ERO1A: variants seen among roughly 807,000 people sequenced by gnomAD.
ERO1A encodes the protein ERO1-like protein alpha.
A neutral mutation model predicts 76.9 loss-of-function variants in ERO1A; 49 were observed. The observed-to-expected ratio is 0.64, with a 90% CI of 0.51 to 0.81. The LOEUF is 0.81. ERO1A is among the 30% of genes least tolerant of loss of function. ERO1A has a pLI of 0.00. For missense variants in ERO1A, 448 were observed against 542.1 expected (o/e 0.83, Z 1.72); for synonymous variants, 174 against 181.2 (o/e 0.96, Z 0.32).
intron 3 of ERO1A, among the ~76,000 whole-genome samples, chr14:52,679,716 G>A (rs889290418): frequency 4.0e-5 from 6 of 151,610 alleles, no homozygotes; most frequent in African/African-American, 1.5e-4. Flanking sequence ...ATCTTTTAAA[G>A]AAAAAAGCTT....
chr14:52,640,133 T>G lies in ERO1A; in HGVS notation c.*3437A>C, dbSNP rs2039423687. 6.6e-6 allele frequency: 1 copy of G among 152,234 alleles called. No individual in the cohort carries two copies. Among genetic ancestry groups the G allele is most frequent in the African/African-American group, 2.4e-5 (1 of 41,466 alleles). 9.4% of individuals were successfully genotyped at this position (152,234 alleles called of 1,614,324 possible). The stretch of plus-strand genomic sequence containing the variant: ...ATGGAGATGCAAAAAATAAAAAGGT[T>G]CCTTTTCCTGCCCTTAAGGAGCTCA... On this transcript the variant is annotated 3_prime_UTR_variant, in exon 16 of 16. Transcript: ENST00000395686.
rs1297145314 is a variant in ERO1A, at chr14:52,643,560, CTTG to C, written c.*7_*9del. The C allele has an allele frequency of 6.8e-7, 1 of 1,472,498 alleles. No individual in the cohort carries two copies. Among genetic ancestry groups the C allele is most frequent in the Non-Finnish European group, 9.0e-7 (1 of 1,112,996 alleles). 91.2% of individuals were successfully genotyped at this position (1,472,498 alleles called of 1,614,324 possible). A position where few individuals can be genotyped will look rare whatever the true frequency, so the allele number is the denominator to read the frequency against. On this transcript the variant is annotated 3_prime_UTR_variant, in exon 16 of 16. Transcript: ENST00000395686. ...TTGTCCAGAAACAGGCACATATCAG[CTTG>C]TTTTCTTTAATGAATATTCTGTAAC...
intron 8 of ERO1A, among the ~76,000 whole-genome samples, chr14:52,661,877 C>T (rs529973962): frequency 4.7e-5 from 7 of 150,004 alleles, no homozygotes; most frequent in South Asian, 2.1e-4. Context: ...TTAATGCCAT[C>T]GGTTTATTAA....
intron 1 of ERO1A, among the ~76,000 whole-genome samples, chr14:52,685,565 T>C (rs1247531691): frequency 6.6e-6 from 1 of 152,144 alleles, no homozygotes; most frequent in Non-Finnish European, 1.5e-5. Context: ...ATGACAGACA[T>C]AGAGACTGCA....
chr14:52,645,208 G>A (rs1269330253), intron 15 of ERO1A, among the ~76,000 whole-genome samples: 17 of 151,152 alleles, frequency 1.1e-4, no homozygotes, highest in Admixed American at 1.1e-3. Flanking sequence ...TAAAAAAACT[G>A]CTTTTAAGCA....
chr14:52,673,341 T>C (rs1239712904), intron 4 of ERO1A, among the ~76,000 whole-genome samples: 8 of 152,220 alleles, frequency 5.3e-5, no homozygotes, highest in Non-Finnish European at 1.0e-4. Context: ...CTGTCTGCCT[T>C]GGCCTCCAAA....
At chr14:52,681,182 G>C (rs1379422163) in intron 3 of ERO1A, among the ~76,000 whole-genome samples, 1 of 152,134 alleles carries the variant, frequency 6.6e-6, no homozygotes, top group Non-Finnish European at 1.5e-5. Context: ...ATAAATATTT[G>C]TGCATAGCAG....
chr14:52,675,106 G>A (rs373109527), intron 4 of ERO1A, among the ~76,000 whole-genome samples: 27 of 152,192 alleles, frequency 1.8e-4, no homozygotes, highest in African/African-American at 3.4e-4. Context: ...AATCTAGGCC[G>A]GGCACGGTGG....
intron 2 of ERO1A, among the ~76,000 whole-genome samples, 173 bp downstream of exon 2, chr14:52,683,615 T>C (rs934197100): frequency 6.6e-6 from 1 of 152,184 alleles, no homozygotes. Flanking sequence ...GTTATTAAAA[T>C]TATCCAATGG....
rs1207607072 is a variant in ERO1A at position 52,641,314 on chromosome 14, AAAAG to A, written c.*2252_*2255del. On this transcript the variant is annotated 3_prime_UTR_variant, in exon 16 of 16. Transcript: ENST00000395686. ...TTCAAAAAGATTGGCAGCTAAAAAA[AAAAG>A]AGGCCGGGCGTGGTGGCTCACGCCT... The A allele has an allele frequency of 2.0e-5, 3 of 152,056 alleles. No homozygotes were observed. Among genetic ancestry groups the A allele is most frequent in the Non-Finnish European group, 2.9e-5 (2 of 68,058 alleles). The allele number at this position is 152,056 out of a possible 1,614,324, so 9.4% of individuals were successfully genotyped here.
chr14:52,661,244 G>T, intron 9 of ERO1A, 49 bp downstream of exon 9: 2 of 735,514 alleles, frequency 2.7e-6, no homozygotes, highest in African/African-American at 1.9e-5. Flanking sequence ...ATAAACATCT[G>T]AATGTATAAA....
chr14:52,677,437 A>G (rs1426376774), intron 4 of ERO1A, among the ~76,000 whole-genome samples: 2 of 152,214 alleles, frequency 1.3e-5, no homozygotes, highest in African/African-American at 2.4e-5. Context: ...GTACTACTCA[A>G]AAACACCTTA....
At position 52,659,919 on chromosome 14, in the gene ERO1A, C is replaced by T. The variant is rs780518662; in HGVS notation, c.688+1374G>A. 8.3e-4 allele frequency among the ~76,000 whole-genome samples: 126 copies of T among 152,082 alleles called. 1 individual carries two copies. Among genetic ancestry groups the T allele is most frequent in the Non-Finnish European group, 3.8e-4 (26 of 67,994 alleles). On this transcript the variant is annotated intron_variant, in intron 9 of 15. Coordinates refer to ENST00000395686, the MANE Select transcript of ERO1A (RefSeq NM_014584.3). Reference sequence around the variant, plus strand: ...CTCCATCTCAGCTCACTGCAACCTCCGCCTCCCAAGCTCAAGTGATCCTCC... The same window carrying T: ...CTCCATCTCAGCTCACTGCAACCTCTGCCTCCCAAGCTCAAGTGATCCTCC...
chr14:52,695,317 C>A, intron 1 of ERO1A, 51 bp downstream of exon 1: 8 of 1,274,224 alleles, frequency 6.3e-6, no homozygotes, highest in Non-Finnish European at 8.2e-6. Flanking sequence ...CGGGACAGTG[C>A]ACGCCGCGGA....
chr14:52,673,741 T>G (rs2040688643), intron 4 of ERO1A, among the ~76,000 whole-genome samples: 1 of 26,164 alleles, frequency 3.8e-5, no homozygotes, highest in Non-Finnish European at 6.8e-5. Flanking sequence ...ATTTTAACAA[T>G]TACTCCTTTT....
intron 11 of ERO1A, among the ~76,000 whole-genome samples, chr14:52,654,775 T>A (rs2039988195): frequency 6.6e-6 from 1 of 152,222 alleles, no homozygotes; most frequent in Non-Finnish European, 1.5e-5. Context: ...GTTTTGTTTG[T>A]CCTATTATGT....
intron 11 of ERO1A, among the ~76,000 whole-genome samples, chr14:52,656,948 A>G (rs1434041218): frequency 6.6e-6 from 1 of 152,080 alleles, no homozygotes; most frequent in African/African-American, 2.4e-5. Context: ...TCCTGTAGTC[A>G]TGAGGTAGAA....
chr14:52,650,728 G>A (rs1349833620), intron 13 of ERO1A, among the ~76,000 whole-genome samples: 1 of 152,170 alleles, frequency 6.6e-6, no homozygotes, highest in Non-Finnish European at 1.5e-5. Context: ...CCTTGAGGGT[G>A]GAAGCTCTCT....
intron 1 of ERO1A, among the ~76,000 whole-genome samples, chr14:52,692,945 G>T: frequency 6.9e-6 from 1 of 145,078 alleles, no homozygotes; most frequent in African/African-American, 2.6e-5. Context: ...TCCACTACTG[G>T]CCCTATTGTT....
Sources: gnomAD v4.1 joint callset for allele counts (sites outside exome capture counted in the v4.1 genomes callset) on GRCh38, gnomAD v4.1.1 for gene constraint, MANE v1.5 for transcripts, NCBI Gene and HGNC (gene_info 2026-07-23, HGNC 2026-07-21) for gene names.